The following ESRRB variants were observed in gnomAD, a reference collection of about 807,000 sequenced individuals.
ESRRB encodes steroid hormone receptor ERR2.
In ESRRB, 16 loss-of-function variants were observed where a neutral mutation model predicts 46.0. The ratio of observed to expected loss-of-function variants is 0.35; its 90% CI spans 0.24 to 0.53. The LOEUF (loss-of-function observed/expected upper bound fraction) is 0.53. ESRRB is among the 20% of genes least tolerant of loss of function. The pLI is 0.93. For synonymous variants in ESRRB, 246 were observed against 259.6 expected, an observed-to-expected ratio of 0.95 and a Z score of 0.50; for missense variants, 488 against 607.4, an observed-to-expected ratio of 0.80 and a Z score of 2.07.
chr14:76,355,010 C>A (rs758035674), intron 1 of ESRRB, among the ~76,000 whole-genome samples: 1 of 151,578 alleles, frequency 6.6e-6, no homozygotes, highest in Non-Finnish European at 1.5e-5. Context: ...CATGCCCGGC[C>A]GGTCCTGGGC....
In ESRRB at chr14:76,482,261, T is replaced by G. The variant is rs960179422; in HGVS notation, c.688+135T>G. The G allele has an allele frequency of 2.0e-5, 15 of 760,322 alleles. No individual in the cohort carries two copies. In the African/African-American group the frequency reaches 2.4e-4, roughly 12 times the overall value. 47.1% of individuals were successfully genotyped at this position (760,322 alleles called of 1,614,324 possible). ...ATCTTGGGGAGGTGACATCAGTGCC[T>G]GGCACATTTAGAATGTGGCTCCAAA... is the stretch of plus-strand genomic sequence containing the variant. On this transcript the variant is annotated intron_variant, in intron 4 of 6. Coordinates refer to ENST00000644823, the MANE Select transcript of ESRRB (RefSeq NM_001379180.1). This position sits in a 1 kb window ranked among gnomAD's most constrained non-coding sequence, Gnocchi z 4.3.
intron 1 of ESRRB, among the ~76,000 whole-genome samples, chr14:76,326,090 T>C (rs1883926983): frequency 6.6e-6 from 1 of 152,228 alleles, no homozygotes; most frequent in African/African-American, 2.4e-5. Flanking sequence ...ATCATATCTG[T>C]GCTCAGGGAC....
chr14:76,441,795 G>A (rs1182529507), intron 2 of ESRRB, among the ~76,000 whole-genome samples: 1 of 152,216 alleles, frequency 6.6e-6, no homozygotes, highest in Non-Finnish European at 1.5e-5. Context: ...AACTGGCACA[G>A]AAACTGCAGA....
At chr14:76,385,073 A>G (rs1169311397) in intron 1 of ESRRB, among the ~76,000 whole-genome samples, 3 of 151,846 alleles carry the variant, frequency 2.0e-5, no homozygotes, top group Non-Finnish European at 4.4e-5. Context: ...TTCCTCTCTC[A>G]TTTCCTTTTT....
intron 3 of ESRRB, among the ~76,000 whole-genome samples, chr14:76,474,268 T>C (rs991065493): frequency 6.6e-6 from 1 of 152,236 alleles, no homozygotes. Flanking sequence ...AACAGGCAGA[T>C]GAAAGGCAAG....
At chr14:76,375,054 T>G (rs1450610910), upstream of ESRRB, among the ~76,000 whole-genome samples, 1 of 152,144 alleles carries the variant, frequency 6.6e-6, no homozygotes, top group Non-Finnish European at 1.5e-5. Context: ...GATAAAATTA[T>G]GTCTTCCCCC....
intron 1 of ESRRB, among the ~76,000 whole-genome samples, chr14:76,336,706 C>T (rs1884130373): frequency 6.6e-6 from 1 of 152,162 alleles, no homozygotes; most frequent in South Asian, 2.1e-4. Flanking sequence ...GCTGCAGTTC[C>T]CTGGGGGCAT....
At chr14:76,350,052 G>A (rs75269189) in intron 1 of ESRRB, among the ~76,000 whole-genome samples, 15,536 of 152,174 alleles carry the variant, frequency 0.1, 1,106 homozygotes, top group East Asian at 0.24. Flanking sequence ...ATACTGGAGC[G>A]TTCTTTTCTT....
chr14:76,448,583 G>C (rs929658496), intron 2 of ESRRB, among the ~76,000 whole-genome samples: 1 of 151,492 alleles, frequency 6.6e-6, no homozygotes, highest in African/African-American at 2.4e-5. Flanking sequence ...TGATCTGCCA[G>C]CCTCGTCCTC....
At chr14:76,450,743 C>T (rs906319082) in intron 2 of ESRRB, among the ~76,000 whole-genome samples, 3 of 152,004 alleles carry the variant, frequency 2.0e-5, no homozygotes, top group Admixed American at 6.6e-5. Context: ...TCCTGGATCC[C>T]GGGAGGCACA....
intron 3 of ESRRB, among the ~76,000 whole-genome samples, chr14:76,473,474 C>T (rs1221404583): frequency 6.6e-6 from 1 of 152,222 alleles, no homozygotes; most frequent in African/African-American, 2.4e-5. Context: ...TGAACCTTTC[C>T]TGTTGGAAGA....
intron 2 of ESRRB, among the ~76,000 whole-genome samples, chr14:76,458,597 C>T (rs563476941): frequency 1.3e-5 from 2 of 152,174 alleles, no homozygotes; most frequent in African/African-American, 4.8e-5. Flanking sequence ...CACTTCCTGA[C>T]TCCTTGCTCT....
At position 76,476,920 on chromosome 14, in the gene ESRRB, C is replaced by T. The variant is rs562752949; in HGVS notation, c.578-5096C>T. Among the ~76,000 whole-genome samples the T allele has an allele frequency of 5.9e-5, 9 of 152,334 alleles. No individual in the cohort carries two copies. The South Asian group carries it at 1.7e-3, about 28-fold the overall frequency. On this transcript the variant is annotated intron_variant, in intron 3 of 6. Transcript: ENST00000644823. ...AGAAAAGCAAAACCGTTCCAGAAGT[C>T]CTGCCATGGACTTAACCTGACATCC...
chr14:76,421,407 G>T (rs1886948015), intron 1 of ESRRB, among the ~76,000 whole-genome samples: 1 of 152,172 alleles, frequency 6.6e-6, no homozygotes, highest in Non-Finnish European at 1.5e-5. Context: ...TTATTTTGAG[G>T]AGTAAATAAG....
chr14:76,318,486 C>T (rs961053840), intron 1 of ESRRB, among the ~76,000 whole-genome samples: 1 of 152,198 alleles, frequency 6.6e-6, no homozygotes, highest in African/African-American at 2.4e-5. Flanking sequence ...TGGTGACCTC[C>T]ATGAAACAGT....
chr14:76,321,004 C>T (rs1883860196), intron 1 of ESRRB, among the ~76,000 whole-genome samples: 1 of 152,162 alleles, frequency 6.6e-6, no homozygotes, highest in Admixed American at 6.5e-5. Context: ...TATCCCTCAT[C>T]CATTTTCTGG....
At chr14:76,490,424 A>G (rs1476125758) in intron 5 of ESRRB, among the ~76,000 whole-genome samples, 2 of 151,510 alleles carry the variant, frequency 1.3e-5, no homozygotes, top group Admixed American at 6.5e-5. Context: ...CTTTCATCTC[A>G]TCATTAGTAA....
intron 1 of ESRRB, among the ~76,000 whole-genome samples, chr14:76,315,019 G>C (rs1293483639): frequency 6.6e-6 from 1 of 152,052 alleles, no homozygotes; most frequent in Non-Finnish European, 1.5e-5. Flanking sequence ...CCTGTTTCAT[G>C]AGGTCAGCAG....
chr14:76,399,647 AAAGT>A (rs1472752505), intron 1 of ESRRB, among the ~76,000 whole-genome samples: 6 of 152,234 alleles, frequency 3.9e-5, no homozygotes, highest in Non-Finnish European at 8.8e-5. Context: ...GATTACAAAG[AAAGT>A]GAGGATGTGA....
Sources: allele counts gnomAD v4.1 joint callset (sites outside exome capture counted in the v4.1 genomes callset), GRCh38; gene constraint gnomAD v4.1.1; non-coding constraint Gnocchi (gnomAD v3.1); transcripts MANE v1.5; gene names NCBI Gene and HGNC (gene_info 2026-07-23, HGNC 2026-07-21).